Variants in ECHDC3 observed in about 807,000 individuals in gnomAD.
ECHDC3 encodes enoyl-CoA hydratase domain-containing protein 3, mitochondrial.
ECHDC3 carries 20 observed loss-of-function variants against 17.9 expected under a neutral mutation model. The ratio of observed to expected loss-of-function variants is 1.12; its 90% CI spans 0.79 to 1.63. The LOEUF (loss-of-function observed/expected upper bound fraction) is 1.63, where lower values mean the gene tolerates loss of function less well. Among genes scored for constraint, ECHDC3 ranks in the 40% most tolerant of loss-of-function variants. The pLI, the probability that ECHDC3 is intolerant of heterozygous loss-of-function variation, is 0.00. For synonymous variants in ECHDC3, 177 were observed against 149.7 expected (o/e 1.18, Z -1.33); for missense variants, 407 against 357.7 (o/e 1.14, Z -1.11).
chr10:11,749,183 G>C (rs1216840833), intron 2 of ECHDC3, among the ~76,000 whole-genome samples: 2 of 152,138 alleles, frequency 1.3e-5, no homozygotes, highest in African/African-American at 4.8e-5. Flanking sequence ...CCAAATAAAG[G>C]CTCTGTATAA....
In ECHDC3 at chr10:11,745,347, G is replaced by A. The variant is rs182182433; in HGVS notation, c.171-2002G>A. On this transcript the variant is annotated intron_variant, in intron 1 of 4. Coordinates refer to ENST00000379215, the MANE Select transcript of ECHDC3 (RefSeq NM_024693.5). The stretch of plus-strand genomic sequence containing the variant: ...GCACTAAGATTAAGCATACGTCACC[G>A]ATGGGATGGCAGCTTTTTATATTTG... Among the ~76,000 whole-genome samples, 77 of 152,234 alleles carry A rather than the reference G, an allele frequency of 5.1e-4. 2 individuals are homozygous for A. The East Asian group carries it at 9.0e-3, about 18-fold the overall frequency.
At position 11,742,481 on chromosome 10, in the gene ECHDC3, C is replaced by T. The variant is rs76272655; in HGVS notation, c.-96C>T. 0.2 allele frequency: 228,000 copies of T among 1,167,500 alleles called. 23,679 individuals carry two copies. Among genetic ancestry groups the T allele is most frequent in the East Asian group, 0.28 (8,542 of 30,336 alleles). The allele number at this position is 1,167,500 out of a possible 1,614,324, so 72.3% of individuals were successfully genotyped here. A position where few individuals can be genotyped will look rare whatever the true frequency, so the allele number is the denominator to read the frequency against. On this transcript the variant is annotated 5_prime_UTR_variant, in exon 1 of 5. Coordinates refer to ENST00000379215, the MANE Select transcript of ECHDC3 (RefSeq NM_024693.5). ...GCCACCGTCGAGTTCCGTCGAGTTC[C>T]GTCCCGGCCCTGCTCACAGCAGCGC...
intron 4 of ECHDC3, among the ~76,000 whole-genome samples, chr10:11,757,461 A>G (rs957561425): frequency 2.6e-5 from 4 of 152,180 alleles, no homozygotes; most frequent in Non-Finnish European, 1.5e-5. Context: ...ACCCAGTTGG[A>G]TGAACCAAAG....
intron 1 of ECHDC3, 135 bp from the exon 2 acceptor site, chr10:11,747,214 C>T: frequency 8.6e-7 from 1 of 1,159,292 alleles, no homozygotes; most frequent in Non-Finnish European, 1.2e-6. Context: ...GACAGACCCT[C>T]TAAATTGGCA....
rs534960821 is a variant in ECHDC3 at position 11,749,534 on chromosome 10, A to T, written c.332A>T (p.Glu111Val). The T allele has an allele frequency of 2.5e-6, 4 of 1,614,118 alleles. No individual in the cohort carries two copies. The highest frequency in any genetic ancestry group is 2.7e-5 in the African/African-American group (2 of 75,014). The change falls in exon 3 of 5, where the codon GAG becomes GTG. Residue 111 changes from glutamate (E) to valine (V), a missense_variant. Coordinates refer to ENST00000379215, the MANE Select transcript of ECHDC3 (RefSeq NM_024693.5). ...TTTTCTTCTGGGCATGACTTAAAGG[A>T]GCTGACAGAGGAGCAAGGCCGTGAT... Reference protein sequence around the residue: ...PVFSSGHDLKELTEEQGRDYH... With the variant: ...PVFSSGHDLKVLTEEQGRDYH...
At chr10:11,743,854 G>A (rs934331609) in intron 1 of ECHDC3, among the ~76,000 whole-genome samples, 6 of 152,226 alleles carry the variant, frequency 3.9e-5, no homozygotes, top group Non-Finnish European at 8.8e-5. Context: ...GCGGCCAGAT[G>A]GCAAAAAGGA....
intron 4 of ECHDC3, among the ~76,000 whole-genome samples, chr10:11,756,218 A>G (rs1328971116): frequency 6.6e-6 from 1 of 152,182 alleles, no homozygotes; most frequent in East Asian, 1.9e-4. Flanking sequence ...TGTTAACTAC[A>G]GTGAAGTCTG....
At chr10:11,746,962 G>A (rs560271361) in intron 1 of ECHDC3, among the ~76,000 whole-genome samples, 2 of 152,256 alleles carry the variant, frequency 1.3e-5, no homozygotes, top group South Asian at 4.2e-4. Context: ...AGAAAGCAGT[G>A]GAAGGTAGCC....
chr10:11,746,735 A>G (rs574274956), intron 1 of ECHDC3, among the ~76,000 whole-genome samples: 1 of 152,324 alleles, frequency 6.6e-6, no homozygotes, highest in East Asian at 1.9e-4. Flanking sequence ...CAGGAGTTCA[A>G]GACCAGCCTA....
Position 11,763,714 on chromosome 10 carries a change from A to C in ECHDC3, c.*170A>C. 3 of 1,417,906 alleles carry C rather than the reference A, an allele frequency of 2.1e-6. No homozygotes were observed. Among genetic ancestry groups the C allele is most frequent in the Non-Finnish European group, 2.8e-6 (3 of 1,089,496 alleles). 87.8% of individuals were successfully genotyped at this position (1,417,906 alleles called of 1,614,324 possible). On this transcript the variant is annotated 3_prime_UTR_variant, in exon 5 of 5. Coordinates refer to ENST00000379215, the MANE Select transcript of ECHDC3 (RefSeq NM_024693.5). The surrounding 1 kb of genome is among the most constrained non-coding windows in gnomAD (Gnocchi z 4.9). ...AAAGCCACAATTTCATGGGGAAAGG[A>C]CAAAATGGAGAGTGACTGAGGTGCT...
intron 2 of ECHDC3, among the ~76,000 whole-genome samples, chr10:11,747,685 A>C (rs754818604): frequency 6.6e-6 from 1 of 152,206 alleles, no homozygotes; most frequent in Non-Finnish European, 1.5e-5. Context: ...CAGTGAAACT[A>C]TGTCTTTTCC....
intron 4 of ECHDC3, among the ~76,000 whole-genome samples, chr10:11,756,790 C>A (rs1472183522): frequency 6.6e-6 from 1 of 151,928 alleles, no homozygotes; most frequent in Non-Finnish European, 1.5e-5. Context: ...GCTCTGTCAC[C>A]CAGGCTGGAG....
rs1198976715 is a variant in ECHDC3 at position 11,749,588 on chromosome 10, C to G, written c.386C>G (p.Ser129Cys). 2.5e-6 allele frequency: 4 copies of G among 1,613,786 alleles called. No homozygotes were observed. The highest frequency in any genetic ancestry group is 3.3e-5 in the Admixed American group (2 of 59,964). ...CATGCCGAAGTATTTCAGACCTGTT[C>G]CAAGGTAAGCCAAGACGACAGTCGA... ...DYHAEVFQTC[S>C]KVMMHIRNHP... Residue 129 changes from serine (S) to cysteine (C), a missense_variant, in exon 3 of 5, where the codon TCC becomes TGC. Ser to Cys is a moderately radical substitution (Grantham distance 112). Coordinates refer to ENST00000379215, the MANE Select transcript of ECHDC3 (RefSeq NM_024693.5).
chr10:11,743,619 C>A, intron 1 of ECHDC3, among the ~76,000 whole-genome samples: 1 of 152,258 alleles, frequency 6.6e-6, no homozygotes, highest in East Asian at 1.9e-4. Flanking sequence ...TCTTGGCCAC[C>A]TTTGGGCTTG....
chr10:11,763,366 G>C lies in ECHDC3; in HGVS notation c.734G>C (p.Arg245Pro), dbSNP rs781107346. The change falls in exon 5 of 5, where the codon CGT becomes CCT. Residue 245 changes from arginine (R) to proline (P), a missense_variant. Physicochemically the swap from Arg to Pro is moderately radical, Grantham distance 103 (BLOSUM62 -2). Coordinates refer to ENST00000379215, the MANE Select transcript of ECHDC3 (RefSeq NM_024693.5). The surrounding 1 kb of genome is among the most constrained non-coding windows in gnomAD (Gnocchi z 4.9). ...GCTAGGAAGATCGCATCGCTGAGCCGTCCGGTGGTGTCCCTGGGCAAAGCC... is the reference window on the plus strand; with the variant it reads ...GCTAGGAAGATCGCATCGCTGAGCCCTCCGGTGGTGTCCCTGGGCAAAGCC... ...RIARKIASLS[R>P]PVVSLGKATF... is the part of the protein sequence containing the mutation. The C allele has an allele frequency of 6.4e-6, 5 of 779,090 alleles. No individual in the cohort carries two copies. The highest frequency in any genetic ancestry group is 4.8e-6 in the Non-Finnish European group (2 of 418,714). The allele number at this position is 779,090 out of a possible 1,614,324, so 48.3% of individuals were successfully genotyped here.
intron 2 of ECHDC3, 77 bp downstream of exon 2, chr10:11,747,547 C>A: frequency 6.6e-7 from 1 of 1,524,750 alleles, no homozygotes; most frequent in Non-Finnish European, 8.9e-7. Context: ...ACTGGGGCAT[C>A]CCTTTATTTA....
chr10:11,743,109 G>A (rs1274793976), intron 1 of ECHDC3, among the ~76,000 whole-genome samples: 2 of 152,208 alleles, frequency 1.3e-5, no homozygotes, highest in East Asian at 1.9e-4. Flanking sequence ...CTGGGGGCCA[G>A]GACAGTAAAT....
chr10:11,762,235 G>A (rs532911284), intron 4 of ECHDC3, among the ~76,000 whole-genome samples: 2 of 152,322 alleles, frequency 1.3e-5, no homozygotes, highest in East Asian at 1.9e-4. Flanking sequence ...GGAGCAGGGC[G>A]GCCATGGAAG....
chr10:11,754,820 G>A (rs754419970), intron 3 of ECHDC3, among the ~76,000 whole-genome samples: 2 of 152,324 alleles, frequency 1.3e-5, no homozygotes, highest in South Asian at 4.1e-4. Flanking sequence ...CACCCCCTGC[G>A]GCAGCCCCCA....
Sources: gnomAD v4.1 joint callset for allele counts (sites outside exome capture counted in the v4.1 genomes callset) on GRCh38, gnomAD v4.1.1 for gene constraint, Gnocchi (gnomAD v3.1) non-coding constraint, MANE v1.5 for transcripts, NCBI Gene and HGNC (gene_info 2026-07-23, HGNC 2026-07-21) for gene names.